ACACB: variants seen among roughly 807,000 people sequenced by gnomAD.
ACACB encodes acetyl-CoA carboxylase 2.
Under a neutral mutation model 278.8 loss-of-function variants are expected in ACACB, and 209 were observed. That is an observed-to-expected ratio of 0.75 (90% CI 0.67 to 0.84). The LOEUF is 0.84. Among genes scored for constraint, ACACB ranks in the 40% least tolerant of loss-of-function variants. The pLI is 0.00. For synonymous variants in ACACB, 1,174 were observed against 1,285.6 expected (o/e 0.91, Z 1.86); for missense variants, 2,850 against 3,269.0 (o/e 0.87, Z 3.13).
chr12:109,164,424 G>A (rs1400035953), intron 2 of ACACB, among the ~76,000 whole-genome samples: 2 of 151,996 alleles, frequency 1.3e-5, no homozygotes, highest in African/African-American at 4.8e-5. Flanking sequence ...GTAGAGATGG[G>A]GTTCACCATA....
chr12:109,240,921 G>A (rs138304508), intron 35 of ACACB, among the ~76,000 whole-genome samples, 157 bp from the exon 36 acceptor site: 6 of 152,296 alleles, frequency 3.9e-5, no homozygotes, highest in East Asian at 3.9e-4. Flanking sequence ...AGCAAGAGCC[G>A]TTGCTTGTTA....
Position 109,191,639 on chromosome 12 carries a change from T to C in ACACB, c.2171T>C (p.Leu724Pro), listed in dbSNP as rs1565904663. ...ISNMVVALKE[L>P]SIRGDFRTTV... Reference sequence around the variant, plus strand: ...AACATGGTGGTGGCTTTGAAGGAACTGTCCATCCGAGGCGACTTTAGGACT... The same window carrying C: ...AACATGGTGGTGGCTTTGAAGGAACCGTCCATCCGAGGCGACTTTAGGACT... The change falls in exon 14 of 53, where the codon CTG (leucine) becomes CCG (proline). Residue 724 changes from leucine (L) to proline (P), a missense_variant. Physicochemically the swap from Leu to Pro is moderately conservative, Grantham distance 98. Coordinates refer to ENST00000338432, the MANE Select transcript of ACACB (RefSeq NM_001093.4). 1 of 1,614,184 alleles carries C rather than the reference T, an allele frequency of 6.2e-7. No homozygotes were observed. Among genetic ancestry groups the C allele is most frequent in the African/African-American group, 1.3e-5 (1 of 75,060 alleles).
At chr12:109,200,175 G>A (rs1424394803) in intron 18 of ACACB, among the ~76,000 whole-genome samples, 1 of 151,794 alleles carries the variant, frequency 6.6e-6, no homozygotes, top group Non-Finnish European at 1.5e-5. Flanking sequence ...GTGTAAATCA[G>A]TTTCCTTGAT....
At position 109,166,665 on chromosome 12, in the gene ACACB, A is replaced by AAAAAAAAC. The variant is rs2043910671; in HGVS notation, c.654-189_654-188insCAAAAAAA. On this transcript the variant is annotated intron_variant, in intron 2 of 52. Coordinates refer to ENST00000338432, the MANE Select transcript of ACACB (RefSeq NM_001093.4). ...ATCCCGTCTCAAAAAAAAAAAAAAAAAAAAAAAAAAAACCGAAGGTGCTTC... is the reference window on the plus strand; with the variant it reads ...ATCCCGTCTCAAAAAAAAAAAAAAAAAAAAAAACAAAAAAAAAAAACCGAAGGTGCTTC... Among the ~76,000 whole-genome samples the AAAAAAAAC allele has an allele frequency of 1.4e-5, 2 of 144,010 alleles. 1 individual carries two copies. Among genetic ancestry groups the AAAAAAAAC allele is most frequent in the Non-Finnish European group, 3.0e-5 (2 of 65,632 alleles). The allele number at this position is 144,010 out of a possible 152,430, so 94.5% of individuals were successfully genotyped here. A position where few individuals can be genotyped will look rare whatever the true frequency, so the allele number is the denominator to read the frequency against.
Position 109,179,097 on chromosome 12 carries a change from GA to G in ACACB, c.1448del (p.Glu483GlyfsTer10), listed in dbSNP as rs2044373615. The G allele has an allele frequency of 6.2e-7, 1 of 1,612,870 alleles. No homozygotes were observed. The highest frequency in any genetic ancestry group is 1.7e-5 in the Admixed American group (1 of 59,882). The part of the protein sequence containing the change: ...FPILFRQVQS[E>X]IPGSPIFLMK... ...CTGCTTCCCCCGACAGGTACAGAGT[GA>G]GATCCCAGGCTCGCCCATCTTTCTC... is the stretch of plus-strand genomic sequence containing the variant. On this transcript the variant is annotated frameshift_variant, in exon 10 of 53. Transcript: ENST00000338432. LOFTEE classifies it high-confidence loss of function.
chr12:109,162,292 T>C (rs1355220295), intron 2 of ACACB, among the ~76,000 whole-genome samples: 1 of 152,084 alleles, frequency 6.6e-6, no homozygotes, highest in Non-Finnish European at 1.5e-5. Flanking sequence ...CATTAACCTT[T>C]TAGAAGCTAG....
At position 109,171,821 on chromosome 12, in the gene ACACB, G is replaced by A. The variant is rs772518855; in HGVS notation, c.942G>A (p.Ala314=). 9.9e-6 allele frequency: 16 copies of A among 1,613,756 alleles called. No individual in the cohort carries two copies. Among genetic ancestry groups the A allele is most frequent in the Middle Eastern group, 1.6e-4 (1 of 6,082 alleles). Residue 314 remains alanine (A), a synonymous_variant, in exon 5 of 53, where the codon GCG becomes GCA. Coordinates refer to ENST00000338432, the MANE Select transcript of ACACB (RefSeq NM_001093.4). ...TAATTTCAGAGTACATCAAGATGGC[G>A]GATCATTACGTCCCCGTCCCAGGAG... ...LKANAEYIKM[A]DHYVPVPGGP... is the part of the protein sequence containing the mutation.
rs1311558439 is a variant in ACACB, at chr12:109,254,458, A to T, written c.6166+124A>T. On this transcript the variant is annotated intron_variant, in intron 44 of 52. Coordinates refer to ENST00000338432, the MANE Select transcript of ACACB (RefSeq NM_001093.4). ...TGATATTCGTTCTCATATCCCAGAG[A>T]GGTATACCTGAAATCAAATGCAGGG... The T allele has an allele frequency of 6.1e-6, 6 of 983,316 alleles. No individual in the cohort carries two copies. In the East Asian group the frequency reaches 1.6e-4, roughly 26 times the overall value. 60.9% of individuals were successfully genotyped at this position (983,316 alleles called of 1,614,324 possible).
Position 109,140,045 on chromosome 12 carries a change from G to T in ACACB, c.640G>T (p.Val214Phe). Residue 214 changes from valine to phenylalanine, a missense_variant, in exon 2 of 53, where the codon GTC (valine) becomes TTC (phenylalanine). Physicochemically the swap from Val to Phe is conservative, Grantham distance 50 (BLOSUM62 -1). Transcript: ENST00000338432. ...YLTTGEAETR[V>F]PTMRPSMSGL... ...GACCACAGGTGAAGCTGAGACCCGC[G>T]TCCCCACTATGAGGTAATGTGCATT... 2 of 1,595,588 alleles carry T rather than the reference G, an allele frequency of 1.3e-6. No individual in the cohort carries two copies. The highest frequency in any genetic ancestry group is 1.7e-6 in the Non-Finnish European group (2 of 1,175,442).
chr12:109,232,845 G>A, intron 29 of ACACB, 39 bp downstream of exon 29: 2 of 1,610,820 alleles, frequency 1.2e-6, no homozygotes, highest in African/African-American at 1.3e-5. Context: ...CCTGAGCATG[G>A]GGGCTGGGCA....
chr12:109,134,884 C>T (rs1263484177), intron 1 of ACACB, among the ~76,000 whole-genome samples: 2 of 152,214 alleles, frequency 1.3e-5, no homozygotes, highest in Non-Finnish European at 2.9e-5. Context: ...CAGCCCCCAC[C>T]ACAAAGAATT....
At chr12:109,145,817 G>A (rs1417754335) in intron 2 of ACACB, among the ~76,000 whole-genome samples, 4 of 151,318 alleles carry the variant, frequency 2.6e-5, no homozygotes, top group African/African-American at 9.7e-5. Context: ...TGGCCAACAC[G>A]GCAAAACCCC....
At chr12:109,157,672 C>T (rs988421917) in intron 2 of ACACB, among the ~76,000 whole-genome samples, 1 of 152,104 alleles carries the variant, frequency 6.6e-6, no homozygotes, top group Non-Finnish European at 1.5e-5. Flanking sequence ...AGACAGAGTT[C>T]GGTTATGAAA....
rs149269514 is a variant in ACACB, at chr12:109,265,084, G to T, written c.6943-26G>T. 278 of 1,586,370 alleles carry T rather than the reference G, an allele frequency of 1.8e-4. No homozygotes were observed. The African/African-American group carries it at 3.0e-3, about 17-fold the overall frequency. The stretch of plus-strand genomic sequence containing the variant: ...GTCCCGTCTCCTCCTTCCCTTTCCG[G>T]GGATTCAAGCCTGGCTCGTCCACAG... On this transcript the variant is annotated intron_variant, in intron 50 of 52. Transcript: ENST00000338432.
rs61752535 is a variant in ACACB, at chr12:109,246,320, G to A, written c.5443G>A (p.Glu1815Lys). 96,709 of 1,612,522 alleles carry A rather than the reference G, an allele frequency of 0.06. 3,208 individuals carry two copies. Among genetic ancestry groups the A allele is most frequent in the African/African-American group, 0.089 (6,653 of 74,404 alleles). ...GGACCTTCTGTACCTGCGGGCATCC[G>A]AGATGGCCCGGGCAGAGGGCATTCC... ...GEDLLYLRAS[E>K]MARAEGIPKI... The change falls in exon 39 of 53, where the codon GAG becomes AAG. Residue 1815 changes from glutamate (E) to lysine (K), a missense_variant. Physicochemically the swap from Glu to Lys is moderately conservative, Grantham distance 56. Around this residue, in one of 3 missense-constraint regions of ACACB, gnomAD observed 2,265 missense variants for 2,561.3 expected, o/e 0.88. Transcript: ENST00000338432.
chr12:109,184,175 C>G (rs1368834136), intron 11 of ACACB, among the ~76,000 whole-genome samples: 1 of 152,008 alleles, frequency 6.6e-6, no homozygotes, highest in Non-Finnish European at 1.5e-5. Context: ...GCCTCAGCCT[C>G]CCGAGTAGCT....
At chr12:109,264,054 C>A in intron 49 of ACACB, 178 bp from the exon 50 acceptor site, 1 of 741,726 alleles carries the variant, frequency 1.3e-6, no homozygotes, top group Non-Finnish European at 2.2e-6. Flanking sequence ...ACCTAGGGGG[C>A]TGAGGGCAGC....
chr12:109,183,280 C>T (rs570200687), intron 11 of ACACB, among the ~76,000 whole-genome samples: 1 of 151,894 alleles, frequency 6.6e-6, no homozygotes, highest in Non-Finnish European at 1.5e-5. Context: ...TTTGTGTTTC[C>T]ATATAAACTT....
intron 39 of ACACB, among the ~76,000 whole-genome samples, chr12:109,247,211 G>T (rs1234625780): frequency 6.6e-6 from 1 of 152,106 alleles, no homozygotes; most frequent in African/African-American, 2.4e-5. Flanking sequence ...TCCATTCAGA[G>T]CATGCATTCT....
Sources: allele counts gnomAD v4.1 joint callset (sites outside exome capture counted in the v4.1 genomes callset), GRCh38; gene constraint gnomAD v4.1.1; regional missense constraint gnomAD v4.1.1; transcripts MANE v1.5; gene names NCBI Gene and HGNC (gene_info 2026-07-23, HGNC 2026-07-21).